Variants in PDE4D observed in about 807,000 individuals in gnomAD.
PDE4D encodes the protein phosphodiesterase 4D.
PDE4D carries 24 observed loss-of-function variants against 87.4 expected under a neutral mutation model. The ratio of observed to expected loss-of-function variants is 0.27; its 90% CI spans 0.20 to 0.39. The LOEUF (loss-of-function observed/expected upper bound fraction) is 0.39. PDE4D is among the 10% of genes least tolerant of loss of function. The probability of loss-of-function intolerance (pLI) is 1.00; values close to 1 mark genes in which losing one functional copy is unlikely to be tolerated. For synonymous variants in PDE4D, 384 were observed against 383.2 expected (o/e 1.00, Z -0.02); for missense variants, 714 against 1,041.0 (o/e 0.69, Z 4.32).
intron 1 of PDE4D, among the ~76,000 whole-genome samples, chr5:59,577,689 G>A (rs1433804995): frequency 6.6e-6 from 1 of 152,146 alleles, no homozygotes; most frequent in Admixed American, 6.6e-5. Flanking sequence ...TCTGTATAAA[G>A]TAGTGGTGAG....
At chr5:59,498,133 C>A (rs1302914767) in intron 1 of PDE4D, among the ~76,000 whole-genome samples, 1 of 151,352 alleles carries the variant, frequency 6.6e-6, no homozygotes, top group Non-Finnish European at 1.5e-5. Context: ...CTAAAAGAAT[C>A]CATCACCACC....
chr5:60,026,998 C>T (rs1232637064), intron 2 of PDE4D, among the ~76,000 whole-genome samples: 4 of 152,142 alleles, frequency 2.6e-5, no homozygotes, highest in African/African-American at 9.7e-5. Context: ...ATTCAGGGCT[C>T]AGTTCAAAGG....
intron 2 of PDE4D, among the ~76,000 whole-genome samples, chr5:59,996,324 G>C (rs192314694): frequency 2.0e-5 from 3 of 152,060 alleles, no homozygotes; most frequent in Admixed American, 2.0e-4. Flanking sequence ...TTTTTTTCCT[G>C]TCCAGTTAGT....
intron 1 of PDE4D, among the ~76,000 whole-genome samples, chr5:60,496,126 T>A (rs1404017651): frequency 1.3e-5 from 2 of 152,158 alleles, no homozygotes; most frequent in African/African-American, 2.4e-5. Context: ...TGCAGCTGAG[T>A]ATGTCTACTT....
chr5:60,264,479 C>T (rs561347499), intron 1 of PDE4D, among the ~76,000 whole-genome samples: 2 of 152,308 alleles, frequency 1.3e-5, no homozygotes, highest in South Asian at 2.1e-4. Flanking sequence ...CTGGTAACAG[C>T]CATCTACATC....
chr5:59,774,711 A>G (rs1179579198), intron 1 of PDE4D, among the ~76,000 whole-genome samples: 1 of 144,514 alleles, frequency 6.9e-6, no homozygotes, highest in Non-Finnish European at 1.5e-5. Context: ...TTTCTGAGAC[A>G]CAGTCCGGCT....
intron 5 of PDE4D, among the ~76,000 whole-genome samples, chr5:59,084,456 A>G (rs1390140243): frequency 1.3e-5 from 2 of 152,034 alleles, no homozygotes; most frequent in Non-Finnish European, 1.5e-5. Context: ...TACAGGCTAC[A>G]TAGGGACTAT....
chr5:60,506,703 G>A (rs945394200), intron 1 of PDE4D, among the ~76,000 whole-genome samples: 1 of 152,116 alleles, frequency 6.6e-6, no homozygotes, highest in African/African-American at 2.4e-5. Flanking sequence ...ACTGTGGGAA[G>A]AGAAGGGCTT....
intron 1 of PDE4D, among the ~76,000 whole-genome samples, chr5:60,375,790 C>T (rs773682515): frequency 8.5e-5 from 13 of 152,160 alleles, no homozygotes; most frequent in Non-Finnish European, 1.8e-4. Context: ...CCTGTAATCC[C>T]AGCACTTTGG....
chr5:59,213,876 T>A (rs1486993795), intron 2 of PDE4D, among the ~76,000 whole-genome samples: 1 of 152,034 alleles, frequency 6.6e-6, no homozygotes. Context: ...ACAAACCAAT[T>A]CATCACCTGT....
intron 1 of PDE4D, among the ~76,000 whole-genome samples, chr5:59,663,247 C>A (rs1252874117): frequency 3.9e-5 from 6 of 152,032 alleles, no homozygotes; most frequent in African/African-American, 1.4e-4. Flanking sequence ...TCACTGCGAC[C>A]TCTGCCTCCT....
intron 5 of PDE4D, among the ~76,000 whole-genome samples, chr5:59,102,390 C>A (rs184011326): frequency 6.6e-6 from 1 of 152,094 alleles, no homozygotes; most frequent in Non-Finnish European, 1.5e-5. Flanking sequence ...CTGGCCCCTA[C>A]ATTTTTAATG....
At chr5:59,187,995 G>T (rs1445342127) in intron 3 of PDE4D, among the ~76,000 whole-genome samples, 2 of 152,044 alleles carry the variant, frequency 1.3e-5, no homozygotes, top group Admixed American at 1.3e-4. Flanking sequence ...ACTTTGCATT[G>T]CAGGGCACAA....
intron 1 of PDE4D, among the ~76,000 whole-genome samples, chr5:59,491,759 G>C (rs1421187928): frequency 6.6e-6 from 1 of 152,108 alleles, no homozygotes; most frequent in Non-Finnish European, 1.5e-5. Flanking sequence ...AAATGTTATA[G>C]TTAAATATAA....
At chr5:59,916,756 A>AT (rs1196678986) in intron 3 of PDE4D, among the ~76,000 whole-genome samples, 1 of 151,746 alleles carries the variant, frequency 6.6e-6, no homozygotes. Flanking sequence ...GGAATATAGT[A>AT]TTTTTTGCAA....
At chr5:60,452,581 A>G (rs1746178030) in intron 1 of PDE4D, among the ~76,000 whole-genome samples, 1 of 152,120 alleles carries the variant, frequency 6.6e-6, no homozygotes, top group South Asian at 2.1e-4. Context: ...AATTTGGTAC[A>G]AAAGATATGT....
At chr5:59,516,047 T>G (rs147604874) in intron 1 of PDE4D, among the ~76,000 whole-genome samples, 2 of 152,294 alleles carry the variant, frequency 1.3e-5, no homozygotes, top group East Asian at 3.9e-4. Context: ...GAAACATTAT[T>G]TTAACTGTGA....
intron 3 of PDE4D, among the ~76,000 whole-genome samples, chr5:59,901,569 C>T (rs919934933): frequency 6.6e-6 from 1 of 151,918 alleles, no homozygotes; most frequent in Non-Finnish European, 1.5e-5. Flanking sequence ...AAAATAAGTA[C>T]TCCTATGAAT....
intron 3 of PDE4D, among the ~76,000 whole-genome samples, chr5:59,958,085 A>T (rs1362905401): frequency 6.6e-6 from 1 of 152,132 alleles, no homozygotes; most frequent in Non-Finnish European, 1.5e-5. Flanking sequence ...ATAGGCTCTG[A>T]TCTATCTTCT....
Sources: allele counts gnomAD v4.1 joint callset (sites outside exome capture counted in the v4.1 genomes callset), GRCh38; gene constraint gnomAD v4.1.1; transcripts MANE v1.5; gene names NCBI Gene and HGNC (gene_info 2026-07-23, HGNC 2026-07-21).